Variants in CEP126 observed in about 807,000 individuals in gnomAD.
The protein encoded by CEP126 is centrosomal protein 126, also known as centrosomal protein of 126 kDa.
Under a neutral mutation model 107.8 loss-of-function variants are expected in CEP126, and 74 were observed. That is an observed-to-expected ratio of 0.69 (90% CI 0.57 to 0.83). The LOEUF is 0.83. Among genes scored for constraint, CEP126 ranks in the 40% least tolerant of loss-of-function variants. The probability of loss-of-function intolerance (pLI) is 0.00; values close to 1 mark genes in which losing one functional copy is unlikely to be tolerated. For missense variants in CEP126, 1,237 were observed against 1,281.9 expected (o/e 0.96, Z 0.53); for synonymous variants, 449 against 446.0 (o/e 1.01, Z -0.08).
intron 5 of CEP126, among the ~76,000 whole-genome samples, chr11:101,958,651 T>G (rs1031598507): frequency 1.3e-5 from 2 of 152,216 alleles, no homozygotes; most frequent in African/African-American, 4.8e-5. Context: ...AATGGAAATA[T>G]GGCAGAATTT....
At chr11:101,992,188 A>G (rs976984913) in intron 9 of CEP126, among the ~76,000 whole-genome samples, 5 of 152,134 alleles carry the variant, frequency 3.3e-5, no homozygotes, top group African/African-American at 1.2e-4. Context: ...TACAATCATG[A>G]ACTAAGGCTA....
rs1941013192 is a variant in CEP126 at position 101,963,448 on chromosome 11, C to A, written c.2413C>A (p.Gln805Lys). 1.2e-6 allele frequency: 2 copies of A among 1,613,934 alleles called. No individual in the cohort carries two copies. The highest frequency in any genetic ancestry group is 1.7e-6 in the Non-Finnish European group (2 of 1,180,004). The change falls in exon 6 of 11, where the codon CAA (glutamine) becomes AAA (lysine). Residue 805 changes from glutamine to lysine, a missense_variant. Coordinates refer to ENST00000263468, the MANE Select transcript of CEP126 (RefSeq NM_020802.4). ...GKLIIPCPPP[Q>K]STSNIRSGKN... ...ATTAATTATACCTTGTCCTCCTCCT[C>A]AATCTACATCAAATATTAGAAGTGG... is the stretch of plus-strand genomic sequence containing the variant.
intron 4 of CEP126, chr11:101,955,960 C>T (rs1191298107): frequency 2.2e-6 from 1 of 456,392 alleles, no homozygotes; most frequent in African/African-American, 2.0e-5. Flanking sequence ...CATCTGTACC[C>T]TCTACTCTTC....
At chr11:101,921,895 C>G (rs1940334141) in intron 1 of CEP126, among the ~76,000 whole-genome samples, 1 of 141,646 alleles carries the variant, frequency 7.1e-6, no homozygotes. Flanking sequence ...AAGAGATTCT[C>G]CTGCCTCAGC....
chr11:101,992,430 C>T (rs1276756163), intron 9 of CEP126, among the ~76,000 whole-genome samples: 2 of 151,796 alleles, frequency 1.3e-5, no homozygotes, highest in Non-Finnish European at 2.9e-5. Flanking sequence ...ACTAAATAAA[C>T]ATCTCTTTTT....
chr11:101,934,268 T>G (rs1649469728), intron 2 of CEP126, among the ~76,000 whole-genome samples: 1 of 152,126 alleles, frequency 6.6e-6, no homozygotes, highest in South Asian at 2.1e-4. Flanking sequence ...TCTTTGTGAT[T>G]TTAGTGTCTG....
intron 2 of CEP126, among the ~76,000 whole-genome samples, chr11:101,928,545 G>C (rs182574494): frequency 2.4e-4 from 36 of 152,254 alleles, no homozygotes; most frequent in Admixed American, 1.8e-3. Context: ...TTTCTATAAA[G>C]TATCAGATGT....
At chr11:101,983,486 A>G (rs570522199) in intron 8 of CEP126, among the ~76,000 whole-genome samples, 1 of 152,362 alleles carries the variant, frequency 6.6e-6, no homozygotes, top group Non-Finnish European at 1.5e-5. Flanking sequence ...TCATGAAACA[A>G]GCAAAGATCT....
chr11:101,972,397 G>A (rs778474725), intron 6 of CEP126, among the ~76,000 whole-genome samples: 90 of 152,292 alleles, frequency 5.9e-4, no homozygotes, highest in Non-Finnish European at 1.0e-3. Context: ...CTGCACTGCA[G>A]CCTGGGGGAC....
In CEP126 at chr11:101,962,781, A is replaced by G. The variant is rs1565361698; in HGVS notation, c.1746A>G (p.Glu582=). ...TTCTTAAAAGTATTTTAAAGAAAGA[A>G]TCTAAATATGAACATGGTTATCTTA... ...VRFLKSILKK[E]SKYEHGYLKA... is the part of the protein sequence containing the mutation. Residue 582 remains glutamate (E), a synonymous_variant, in exon 6 of 11, where the codon GAA becomes GAG. Coordinates refer to ENST00000263468, the MANE Select transcript of CEP126 (RefSeq NM_020802.4). 1 of 1,603,654 alleles carries G rather than the reference A, an allele frequency of 6.2e-7. No homozygotes were observed. Among genetic ancestry groups the G allele is most frequent in the Admixed American group, 1.7e-5 (1 of 57,694 alleles).
chr11:101,943,182 C>T (rs957764037), intron 2 of CEP126, among the ~76,000 whole-genome samples: 3 of 151,574 alleles, frequency 2.0e-5, no homozygotes, highest in Non-Finnish European at 2.9e-5. Flanking sequence ...TGGGGAGATT[C>T]TTGAAGGAGA....
chr11:101,925,202 A>C (rs192760229), intron 2 of CEP126, among the ~76,000 whole-genome samples: 51 of 152,172 alleles, frequency 3.4e-4, no homozygotes, highest in Non-Finnish European at 3.2e-4. Flanking sequence ...TGTTCTTTGT[A>C]TTCCATTAGT....
At chr11:101,940,868 A>G (rs1396292712) in intron 2 of CEP126, among the ~76,000 whole-genome samples, 1 of 152,214 alleles carries the variant, frequency 6.6e-6, no homozygotes, top group Admixed American at 6.5e-5. Flanking sequence ...ATGGGAAGTC[A>G]CACAGTATCA....
At position 101,958,383 on chromosome 11, in the gene CEP126, ATGT is replaced by A. The variant is rs1222317441; in HGVS notation, c.705+22_705+24del. 9 of 1,602,898 alleles carry A rather than the reference ATGT, an allele frequency of 5.6e-6. No individual in the cohort carries two copies. Among genetic ancestry groups the A allele is most frequent in the Admixed American group, 3.4e-5 (2 of 59,360 alleles). ...AATTTGCAAGTATGAAACTATAAAA[ATGT>A]TGTTAATATTTTAATTCCTTGCACT... On this transcript the variant is annotated intron_variant, in intron 5 of 10. Coordinates refer to ENST00000263468, the MANE Select transcript of CEP126 (RefSeq NM_020802.4).
intron 10 of CEP126, among the ~76,000 whole-genome samples, chr11:101,996,820 G>A (rs539529585): frequency 6.6e-6 from 1 of 152,064 alleles, no homozygotes; most frequent in Non-Finnish European, 1.5e-5. Flanking sequence ...TTTCCTTCTG[G>A]CGTGCCTAAC....
chr11:101,994,630 G>A lies in CEP126; in HGVS notation c.3309+1788G>A, dbSNP rs190593906. ...GCACAATTAATTGAATGGGGAATCC[G>A]TTCCCCATTGCTTGTTTCTGTCAAC... On this transcript the variant is annotated intron_variant, in intron 10 of 10. Coordinates refer to ENST00000263468, the MANE Select transcript of CEP126 (RefSeq NM_020802.4). Among the ~76,000 whole-genome samples, 45 of 152,232 alleles carry A rather than the reference G, an allele frequency of 3.0e-4. No individual in the cohort carries two copies. The East Asian group carries it at 5.4e-3, about 18-fold the overall frequency.
chr11:101,919,707 A>G (rs1940293168), intron 1 of CEP126, among the ~76,000 whole-genome samples: 1 of 152,214 alleles, frequency 6.6e-6, no homozygotes, highest in Non-Finnish European at 1.5e-5. Flanking sequence ...ATTTGGTTAA[A>G]TTGAAGACTA....
At chr11:101,950,282 T>TA (rs1940793684) in intron 4 of CEP126, among the ~76,000 whole-genome samples, 1 of 152,130 alleles carries the variant, frequency 6.6e-6, no homozygotes, top group African/African-American at 2.4e-5. Context: ...CTGTGAAAGT[T>TA]AGAGAGTGAT....
At chr11:101,967,445 T>C (rs750778693) in intron 6 of CEP126, among the ~76,000 whole-genome samples, 5 of 152,368 alleles carry the variant, frequency 3.3e-5, no homozygotes, top group Middle Eastern at 3.4e-3. Context: ...CTCTGCCTTC[T>C]TCTAAGTAGC....
Sources: allele counts gnomAD v4.1 joint callset (sites outside exome capture counted in the v4.1 genomes callset), GRCh38; gene constraint gnomAD v4.1.1; transcripts MANE v1.5; gene names NCBI Gene and HGNC (gene_info 2026-07-23, HGNC 2026-07-21).